SSH1: variants seen among roughly 807,000 people sequenced by gnomAD.
SSH1 encodes slingshot protein phosphatase 1, also known as protein phosphatase Slingshot homolog 1.
In SSH1, 43 loss-of-function variants were observed where a neutral mutation model predicts 79.7. That is an observed-to-expected ratio of 0.54 (90% CI 0.42 to 0.70). The LOEUF (loss-of-function observed/expected upper bound fraction) is 0.70, where lower values mean the gene tolerates loss of function less well. Among genes scored for constraint, SSH1 ranks in the 30% least tolerant of loss-of-function variants. The pLI, the probability that SSH1 is intolerant of heterozygous loss-of-function variation, is 0.00. For synonymous variants in SSH1, 599 were observed against 538.3 expected, an observed-to-expected ratio of 1.11 and a Z score of -1.56; for missense variants, 1,206 against 1,358.8, an observed-to-expected ratio of 0.89 and a Z score of 1.77.
At chr12:108,817,312 G>A in intron 4 of SSH1, 153 bp from the exon 5 acceptor site, 2 of 1,148,988 alleles carry the variant, frequency 1.7e-6, no homozygotes, top group Non-Finnish European at 2.5e-6. Flanking sequence ...GGTGGTTCAG[G>A]CCTGTAATCC....
intron 5 of SSH1, chr12:108,811,713 T>C (rs888868998): frequency 1.2e-5 from 4 of 336,730 alleles, no homozygotes; most frequent in Non-Finnish European, 1.7e-5. Context: ...GCTCACACCG[T>C]TCCCGGAGCT....
At chr12:108,827,226 A>G in intron 2 of SSH1, 1 of 1,523,770 alleles carries the variant, frequency 6.6e-7, no homozygotes, top group Non-Finnish European at 8.8e-7. Flanking sequence ...AAACCAAGCC[A>G]TGGCAGGAAA....
intron 2 of SSH1, among the ~76,000 whole-genome samples, chr12:108,829,455 G>A (rs1197501717): frequency 6.6e-6 from 1 of 152,134 alleles, no homozygotes; most frequent in Non-Finnish European, 1.5e-5. Context: ...TCCTTACAGG[G>A]TTCTGTTCAT....
rs926660557 is a variant in SSH1 at position 108,782,226 on chromosome 12, G to A, written c.*5762C>T. ...GAAGAGCCACCAAAAGCTGCCTGGG[G>A]TGAAGTGGACTGGGACATGAGCATG... On this transcript the variant is annotated 3_prime_UTR_variant, in exon 15 of 15. Transcript: ENST00000326495. The A allele has an allele frequency of 3.9e-5, 6 of 151,966 alleles. No homozygotes were observed. Among genetic ancestry groups the A allele is most frequent in the Non-Finnish European group, 7.4e-5 (5 of 68,008 alleles). The allele number at this position is 151,966 out of a possible 1,614,324, so 9.4% of individuals were successfully genotyped here.
intron 1 of SSH1, 115 bp from the exon 2 acceptor site, chr12:108,852,793 C>T: frequency 6.3e-7 from 1 of 1,589,838 alleles, no homozygotes; most frequent in Non-Finnish European, 8.5e-7. Context: ...TCCAGGAAAC[C>T]TAGCTACTTC....
At chr12:108,818,744 C>T (rs1001455438) in intron 3 of SSH1, among the ~76,000 whole-genome samples, 15 of 152,158 alleles carry the variant, frequency 9.9e-5, no homozygotes, top group African/African-American at 3.4e-4. Context: ...CAGAGCATCA[C>T]GTTTCCTCTT....
intron 2 of SSH1, among the ~76,000 whole-genome samples, chr12:108,841,405 T>G (rs1224502189): frequency 6.6e-6 from 1 of 152,220 alleles, no homozygotes; most frequent in Admixed American, 6.5e-5. Context: ...CTGAGCAAAA[T>G]TCGTTTTACG....
In SSH1 at chr12:108,850,981, T is replaced by C. The variant is rs146369661; in HGVS notation, c.110+1657A>G. 6.1e-3 allele frequency among the ~76,000 whole-genome samples: 929 copies of C among 152,072 alleles called. 6 individuals are homozygous for C. Among genetic ancestry groups the C allele is most frequent in the Non-Finnish European group, 9.3e-3 (635 of 67,950 alleles). ...TCCAGACTTCCACTCCACCCCTCCC[T>C]GCTTCCACCCAGACAGTCTGATCTG... On this transcript the variant is annotated intron_variant, in intron 2 of 14. Coordinates refer to ENST00000326495, the MANE Select transcript of SSH1 (RefSeq NM_018984.4).
intron 10 of SSH1, among the ~76,000 whole-genome samples, chr12:108,802,994 CTT>C (rs1307470069): frequency 6.6e-6 from 1 of 152,042 alleles, no homozygotes; most frequent in Non-Finnish European, 1.5e-5. Flanking sequence ...ATGATGGAGT[CTT>C]TAAAACAAAT....
chr12:108,842,165 G>T (rs940309272), intron 2 of SSH1, among the ~76,000 whole-genome samples: 1 of 152,122 alleles, frequency 6.6e-6, no homozygotes. Context: ...AAAAAAAATT[G>T]AAGGCAAATT....
chr12:108,793,771 G>A (rs1321396611), intron 13 of SSH1, among the ~76,000 whole-genome samples: 1 of 152,122 alleles, frequency 6.6e-6, no homozygotes, highest in Non-Finnish European at 1.5e-5. Flanking sequence ...CACCCTCAAG[G>A]ACCTTAAAGT....
intron 13 of SSH1, among the ~76,000 whole-genome samples, chr12:108,793,398 C>CTT (rs200848471): frequency 8.0e-5 from 11 of 137,794 alleles, no homozygotes; most frequent in East Asian, 2.1e-4. Context: ...TTTATAATCC[C>CTT]TTTTTTTTTT....
chr12:108,819,683 G>T (rs984075740), intron 3 of SSH1, among the ~76,000 whole-genome samples: 1 of 152,098 alleles, frequency 6.6e-6, no homozygotes, highest in Non-Finnish European at 1.5e-5. Flanking sequence ...TAAAAAATTA[G>T]CTGGGCTTTC....
chr12:108,785,021 A>G lies in SSH1; in HGVS notation c.*2967T>C, dbSNP rs773430654. 3 of 152,248 alleles carry G rather than the reference A, an allele frequency of 2.0e-5. No homozygotes were observed. Among genetic ancestry groups the G allele is most frequent in the Non-Finnish European group, 4.4e-5 (3 of 68,042 alleles). The allele number at this position is 152,248 out of a possible 1,614,324, so 9.4% of individuals were successfully genotyped here. ...CAAAGCAAGGGCCAAGCTATGGCATATGTTACAGTGCAAACTTCCTTTTCA... is the reference window on the plus strand; with the variant it reads ...CAAAGCAAGGGCCAAGCTATGGCATGTGTTACAGTGCAAACTTCCTTTTCA... On this transcript the variant is annotated 3_prime_UTR_variant, in exon 15 of 15. Coordinates refer to ENST00000326495, the MANE Select transcript of SSH1 (RefSeq NM_018984.4).
chr12:108,829,816 A>G (rs1353651128), intron 2 of SSH1, among the ~76,000 whole-genome samples: 3 of 152,186 alleles, frequency 2.0e-5, no homozygotes, highest in Admixed American at 6.5e-5. Flanking sequence ...AAAAAGTTCC[A>G]GGGAGCTGGG....
chr12:108,847,868 G>A (rs187959336), intron 2 of SSH1, among the ~76,000 whole-genome samples: 1 of 152,330 alleles, frequency 6.6e-6, no homozygotes, highest in East Asian at 1.9e-4. Context: ...TGTAAGGCGG[G>A]TGTGGCACCT....
chr12:108,781,248 A>G lies in SSH1; in HGVS notation c.*6740T>C, dbSNP rs1407579609. On this transcript the variant is annotated 3_prime_UTR_variant, in exon 15 of 15. Coordinates refer to ENST00000326495, the MANE Select transcript of SSH1 (RefSeq NM_018984.4). ...AGTCTGGGCAACATAGTGAGACCCTATCTTTTAAATAAATAAATAAATAAA... is the reference window on the plus strand; with the variant it reads ...AGTCTGGGCAACATAGTGAGACCCTGTCTTTTAAATAAATAAATAAATAAA... 1 of 151,938 alleles carries G rather than the reference A, an allele frequency of 6.6e-6. No homozygotes were observed. The highest frequency in any genetic ancestry group is 1.5e-5 in the Non-Finnish European group (1 of 67,996). The allele number at this position is 151,938 out of a possible 1,614,324, so 9.4% of individuals were successfully genotyped here.
At position 108,790,108 on chromosome 12, in the gene SSH1, G is replaced by A. The variant is rs912103018; in HGVS notation, c.1894-864C>T. Among the ~76,000 whole-genome samples, 6 of 149,992 alleles carry A rather than the reference G, an allele frequency of 4.0e-5. No individual in the cohort carries two copies. The East Asian group carries it at 1.2e-3, about 29-fold the overall frequency. The stretch of plus-strand genomic sequence containing the variant: ...AGCCTGCCTGTAGACCACAGCCAGA[G>A]GGGGCTCATCACCCACCTGCTTAAA... On this transcript the variant is annotated intron_variant, in intron 14 of 14. Coordinates refer to ENST00000326495, the MANE Select transcript of SSH1 (RefSeq NM_018984.4).
At chr12:108,851,371 G>A (rs1365042648) in intron 2 of SSH1, among the ~76,000 whole-genome samples, 2 of 152,086 alleles carry the variant, frequency 1.3e-5, no homozygotes, top group Admixed American at 6.6e-5. Context: ...CCCTGCTGTC[G>A]GTAATGAATG....
Sources: allele counts gnomAD v4.1 joint callset (sites outside exome capture counted in the v4.1 genomes callset), GRCh38; gene constraint gnomAD v4.1.1; transcripts MANE v1.5; gene names NCBI Gene and HGNC (gene_info 2026-07-23, HGNC 2026-07-21).